The following C8orf34 variants were observed in gnomAD, a reference collection of about 807,000 sequenced individuals.
C8orf34 encodes the protein chromosome 8 open reading frame 34.
Under a neutral mutation model 68.3 loss-of-function variants are expected in C8orf34, and 65 were observed. The observed-to-expected ratio is 0.95, with a 90% confidence interval of 0.78 to 1.17. The LOEUF (loss-of-function observed/expected upper bound fraction) is 1.17. Ranked by LOEUF, C8orf34 falls within the 50% of genes most tolerant of loss-of-function variation. C8orf34 has a pLI of 0.00. For missense variants in C8orf34, 664 were observed against 655.4 expected, an observed-to-expected ratio of 1.01 and a Z score of -0.14; for synonymous variants, 244 against 241.2, an observed-to-expected ratio of 1.01 and a Z score of -0.11.
At chr8:68,419,142 AC>A (rs1409974639) in intron 1 of C8orf34, among the ~76,000 whole-genome samples, 2 of 152,162 alleles carry the variant, frequency 1.3e-5, no homozygotes, top group Non-Finnish European at 2.9e-5. Flanking sequence ...CAAGAAAAAA[AC>A]AACCCCATCA....
At chr8:68,687,427 G>A (rs113683332) in intron 8 of C8orf34, among the ~76,000 whole-genome samples, 13,874 of 152,066 alleles carry the variant, frequency 0.091, 821 homozygotes, top group Middle Eastern at 0.17. Flanking sequence ...TTAGACCAAT[G>A]GAACAGAATA....
chr8:68,625,179 G>A (rs1818502633), intron 7 of C8orf34, among the ~76,000 whole-genome samples: 1 of 152,140 alleles, frequency 6.6e-6, no homozygotes, highest in African/African-American at 2.4e-5. Flanking sequence ...AAAGGCTTCT[G>A]GGGTTGAGAA....
At chr8:68,754,912 G>A (rs1822808020) in intron 10 of C8orf34, among the ~76,000 whole-genome samples, 2 of 151,950 alleles carry the variant, frequency 1.3e-5, no homozygotes, top group Non-Finnish European at 1.5e-5. Flanking sequence ...ATTTTTTTTA[G>A]TGGCCATGTA....
intron 8 of C8orf34, among the ~76,000 whole-genome samples, chr8:68,665,463 T>C (rs1302613624): frequency 6.6e-6 from 1 of 152,156 alleles, no homozygotes; most frequent in East Asian, 1.9e-4. Context: ...TTGGGTGTGA[T>C]TTTTGCAGCC....
At chr8:68,748,483 C>T (rs1312610304) in intron 10 of C8orf34, among the ~76,000 whole-genome samples, 3 of 151,236 alleles carry the variant, frequency 2.0e-5, no homozygotes, top group Non-Finnish European at 4.4e-5. Flanking sequence ...TTGCAACCTA[C>T]TCATCTGACA....
intron 1 of C8orf34, among the ~76,000 whole-genome samples, chr8:68,408,331 TGTA>T (rs879772161): frequency 2.0e-5 from 3 of 151,276 alleles, no homozygotes; most frequent in Non-Finnish European, 2.9e-5. Flanking sequence ...TATATTATAA[TGTA>T]ATAATAATAT....
chr8:68,331,449 C>A, intron 1 of C8orf34, 110 bp downstream of exon 1: 1 of 1,257,326 alleles, frequency 8.0e-7, no homozygotes, highest in Non-Finnish European at 1.1e-6. Flanking sequence ...GGCTAGAGAA[C>A]CAACGCGCGG....
chr8:68,485,626 C>T (rs888989939), intron 4 of C8orf34, among the ~76,000 whole-genome samples: 4 of 151,472 alleles, frequency 2.6e-5, no homozygotes, highest in African/African-American at 7.3e-5. Flanking sequence ...GCAGGAGAAT[C>T]GTTTGAACCC....
intron 7 of C8orf34, among the ~76,000 whole-genome samples, chr8:68,595,375 A>C (rs1442830358): frequency 6.6e-6 from 1 of 152,106 alleles, no homozygotes; most frequent in Non-Finnish European, 1.5e-5. Context: ...GCAGTGATGA[A>C]TAAAATTCTA....
intron 1 of C8orf34, chr8:68,331,599 GT>G (rs1805596497): frequency 2.1e-5 from 11 of 514,214 alleles, no homozygotes; most frequent in South Asian, 2.0e-4. Context: ...GGCAGGGGAA[GT>G]TTTGGCCCTC....
At chr8:68,688,789 A>G (rs1046514029) in intron 8 of C8orf34, among the ~76,000 whole-genome samples, 1 of 152,022 alleles carries the variant, frequency 6.6e-6, no homozygotes, top group Non-Finnish European at 1.5e-5. Flanking sequence ...AACAACGAGA[A>G]CGTGGACATA....
chr8:68,338,541 T>G (rs932095071), intron 1 of C8orf34, among the ~76,000 whole-genome samples: 3 of 152,182 alleles, frequency 2.0e-5, no homozygotes, highest in African/African-American at 7.2e-5. Context: ...TTTTAGAGTT[T>G]CATGTATATG....
intron 5 of C8orf34, among the ~76,000 whole-genome samples, chr8:68,502,420 A>C (rs1228103110): frequency 6.6e-6 from 1 of 152,176 alleles, no homozygotes; most frequent in Non-Finnish European, 1.5e-5. Flanking sequence ...AAAAGCTCGG[A>C]GCTAGCATAA....
intron 7 of C8orf34, among the ~76,000 whole-genome samples, chr8:68,599,408 A>G (rs1386366087): frequency 7.9e-5 from 12 of 152,104 alleles, no homozygotes; most frequent in Admixed American, 7.9e-4. Flanking sequence ...AAGTAATCTT[A>G]TAGAGGAAGA....
At chr8:68,617,593 A>G (rs1410169973) in intron 7 of C8orf34, among the ~76,000 whole-genome samples, 2 of 152,134 alleles carry the variant, frequency 1.3e-5, no homozygotes, top group Non-Finnish European at 2.9e-5. Flanking sequence ...TCTTTTCTTT[A>G]AGAATGTTGA....
At chr8:68,620,762 G>A (rs1586464398) in intron 7 of C8orf34, among the ~76,000 whole-genome samples, 1 of 150,302 alleles carries the variant, frequency 6.7e-6, no homozygotes, top group Non-Finnish European at 1.5e-5. Flanking sequence ...GCAGATATAA[G>A]TGTCCATTAA....
chr8:68,717,029 T>G (rs1298084952), intron 9 of C8orf34, among the ~76,000 whole-genome samples: 1 of 151,826 alleles, frequency 6.6e-6, no homozygotes, highest in African/African-American at 2.4e-5. Context: ...AAGCCCTGAT[T>G]TGTAGAGATT....
At chr8:68,506,362 G>A (rs1814023267) in intron 5 of C8orf34, among the ~76,000 whole-genome samples, 1 of 152,050 alleles carries the variant, frequency 6.6e-6, no homozygotes, top group South Asian at 2.1e-4. Flanking sequence ...GATTTAATTA[G>A]TAATTTTATA....
At chr8:68,479,598 A>G (rs112518909) in intron 4 of C8orf34, among the ~76,000 whole-genome samples, 20 of 152,192 alleles carry the variant, frequency 1.3e-4, no homozygotes, top group African/African-American at 4.6e-4. Flanking sequence ...CAAAAAAACA[A>G]ATGGATATAA....
Sources: gnomAD v4.1 joint callset for allele counts (sites outside exome capture counted in the v4.1 genomes callset) on GRCh38, gnomAD v4.1.1 for gene constraint, MANE v1.5 for transcripts, NCBI Gene and HGNC (gene_info 2026-07-23, HGNC 2026-07-21) for gene names.